Variants in FAM133A observed in about 807,000 individuals in gnomAD.
FAM133A encodes family with sequence similarity 133 member A, also known as protein FAM133A.
For missense variants in FAM133A, 159 were observed against 164.4 expected (o/e 0.97, Z 0.18); for synonymous variants, 65 against 58.6 (o/e 1.11, Z -0.50).
intron 2 of FAM133A, among the ~76,000 whole-genome samples, chrX:93,678,485 G>T (rs1387913597): frequency 8.9e-6 from 1 of 111,761 alleles, no homozygotes; most frequent in African/African-American, 3.2e-5. Context: ...CAATTTCGAT[G>T]AAGTCCAGTT....
chrX:93,709,224 T>C (rs767966052), intron 3 of FAM133A, 93 bp from the exon 4 acceptor site: 21 of 484,095 alleles, frequency 4.3e-5, no homozygotes, highest in Non-Finnish European at 5.6e-5. Flanking sequence ...TCTACTGTAC[T>C]GTGTGATAGG....
At chrX:93,707,360 A>G (rs1196828370) in intron 3 of FAM133A, among the ~76,000 whole-genome samples, 1 of 111,487 alleles carries the variant, frequency 9.0e-6, no homozygotes, top group Non-Finnish European at 1.9e-5. Context: ...TGAAATGTCT[A>G]TAGCATTGAG....
intron 2 of FAM133A, among the ~76,000 whole-genome samples, chrX:93,696,306 T>C (rs1926266568): frequency 9.0e-6 from 1 of 111,343 alleles, no homozygotes. Flanking sequence ...GAGGGGGCCC[T>C]CTCTGTTCAA....
At chrX:93,680,558 C>T (rs1410554636) in intron 2 of FAM133A, among the ~76,000 whole-genome samples, 1 of 111,268 alleles carries the variant, frequency 9.0e-6, no homozygotes, top group Non-Finnish European at 1.9e-5. Context: ...ATCCACATTA[C>T]CAGCAACAGT....
At chrX:93,696,215 T>C (rs1030520673) in intron 2 of FAM133A, among the ~76,000 whole-genome samples, 3 of 111,040 alleles carry the variant, frequency 2.7e-5, no homozygotes, top group Non-Finnish European at 3.8e-5. Context: ...CTGATTTGGG[T>C]TGGGGCTAGG....
intron 3 of FAM133A, among the ~76,000 whole-genome samples, chrX:93,700,577 G>A (rs1007592429): frequency 4.5e-5 from 5 of 111,289 alleles, no homozygotes; most frequent in African/African-American, 1.6e-4. Context: ...TTTGATTCCA[G>A]TATGATAATT....
intron 2 of FAM133A, among the ~76,000 whole-genome samples, chrX:93,683,522 C>A (rs1201473998): frequency 7.2e-5 from 8 of 111,673 alleles, no homozygotes; most frequent in African/African-American, 2.6e-4. Flanking sequence ...AAATACTTTT[C>A]TTTGGAAAGT....
At chrX:93,678,639 A>G (rs1246984052) in intron 2 of FAM133A, among the ~76,000 whole-genome samples, 1 of 111,877 alleles carries the variant, frequency 8.9e-6, no homozygotes. Flanking sequence ...CATTTTTGCA[A>G]AAAGTACAAG....
chrX:93,695,787 G>A (rs985605372), intron 2 of FAM133A, among the ~76,000 whole-genome samples: 4 of 107,444 alleles, frequency 3.7e-5, no homozygotes, highest in East Asian at 2.9e-4. Context: ...GACTATAGGC[G>A]CCCGCCACCA....
At chrX:93,695,946 G>T (rs1926233713) in intron 2 of FAM133A, among the ~76,000 whole-genome samples, 1 of 111,024 alleles carries the variant, frequency 9.0e-6, no homozygotes, top group African/African-American at 3.3e-5. Context: ...GCCTGGCCAG[G>T]AATCTGCATT....
intron 2 of FAM133A, among the ~76,000 whole-genome samples, chrX:93,686,277 A>G (rs1409323798): frequency 9.0e-6 from 1 of 111,299 alleles, no homozygotes; most frequent in East Asian, 2.8e-4. Context: ...GGCCTGACAC[A>G]TAGCCTCTAG....
At chrX:93,692,792 C>A (rs756077719) in intron 2 of FAM133A, among the ~76,000 whole-genome samples, 1 of 111,306 alleles carries the variant, frequency 9.0e-6, no homozygotes, top group Non-Finnish European at 1.9e-5. Context: ...AGGTTAGGAA[C>A]CATGATTGTA....
At position 93,711,949 on chromosome X, in the gene FAM133A, C is replaced by T. The variant is rs1399462440; in HGVS notation, c.*1783C>T. The T allele has an allele frequency of 8.1e-6, 1 of 123,313 alleles. No individual in the cohort carries two copies. The highest frequency in any genetic ancestry group is 1.9e-5 in the Non-Finnish European group (1 of 53,274). The allele number at this position is 123,313 out of a possible 1,213,427, so 10.2% of individuals were successfully genotyped here. On this transcript the variant is annotated 3_prime_UTR_variant, in exon 4 of 4. Coordinates refer to ENST00000683942, the MANE Select transcript of FAM133A (RefSeq NM_001171109.2). ...TAGAATATGGCAAAAGCATTTACAG[C>T]TCATCATGTATCTATCTGCTCCTGT...
intron 2 of FAM133A, among the ~76,000 whole-genome samples, chrX:93,697,193 TATATC>T (rs1926364283): frequency 1.0e-5 from 1 of 99,644 alleles, no homozygotes. Context: ...ATATATATAA[TATATC>T]ATAGGCAGGT....
chrX:93,697,230 A>AATTT, intron 2 of FAM133A, among the ~76,000 whole-genome samples: 1 of 107,360 alleles, frequency 9.3e-6, no homozygotes, highest in Non-Finnish European at 1.9e-5. Flanking sequence ...AAATAAAAAT[A>AATTT]TGTTTTTAAT....
intron 2 of FAM133A, among the ~76,000 whole-genome samples, chrX:93,683,551 T>C (rs1215678078): frequency 8.9e-6 from 1 of 112,191 alleles, no homozygotes. Context: ...ATTTCTATTA[T>C]AATCATAAAA....
At chrX:93,675,210 A>C (rs1362090963) in intron 2 of FAM133A, among the ~76,000 whole-genome samples, 1 of 111,975 alleles carries the variant, frequency 8.9e-6, no homozygotes, top group African/African-American at 3.2e-5. Context: ...TAAAAACACA[A>C]AATCTTAACC....
At chrX:93,675,468 T>C (rs1017057612) in intron 2 of FAM133A, among the ~76,000 whole-genome samples, 17 of 111,413 alleles carry the variant, frequency 1.5e-4, no homozygotes, top group African/African-American at 5.5e-4. Flanking sequence ...CAGATTCCTG[T>C]TATAGGGTGG....
intron 2 of FAM133A, among the ~76,000 whole-genome samples, chrX:93,678,204 T>A (rs1325342672): frequency 9.0e-6 from 1 of 111,701 alleles, no homozygotes; most frequent in Non-Finnish European, 1.9e-5. Context: ...TTTGTCCATT[T>A]AAAAAAATAG....
Sources: allele counts gnomAD v4.1 joint callset (sites outside exome capture counted in the v4.1 genomes callset), GRCh38; gene constraint gnomAD v4.1.1; transcripts MANE v1.5; gene names NCBI Gene and HGNC (gene_info 2026-07-23, HGNC 2026-07-21).